Variants in DENND1A observed in about 807,000 individuals in gnomAD.
DENND1A encodes the protein DENN domain-containing protein 1A.
DENND1A carries 51 observed loss-of-function variants against 113.7 expected under a neutral mutation model. That is an observed-to-expected ratio of 0.45 (90% CI 0.36 to 0.57). DENND1A has a LOEUF of 0.57. Ranked by LOEUF, DENND1A falls within the 20% of genes least tolerant of loss-of-function variation. The probability of loss-of-function intolerance (pLI) is 0.00; values close to 1 mark genes in which losing one functional copy is unlikely to be tolerated. For missense variants in DENND1A, 1,258 were observed against 1,395.9 expected (o/e 0.90, Z 1.57); for synonymous variants, 565 against 570.8 (o/e 0.99, Z 0.14).
At chr9:123,876,030 A>G (rs938340812) in intron 2 of DENND1A, among the ~76,000 whole-genome samples, 1 of 152,230 alleles carries the variant, frequency 6.6e-6, no homozygotes, top group Non-Finnish European at 1.5e-5. Context: ...TGTTTTATGT[A>G]CTTTTTCACA....
At chr9:123,833,913 G>A (rs979980884) in intron 2 of DENND1A, among the ~76,000 whole-genome samples, 9 of 152,042 alleles carry the variant, frequency 5.9e-5, no homozygotes, top group African/African-American at 1.2e-4. Context: ...AAAATTAGCT[G>A]GGCATGGTGG....
intron 2 of DENND1A, among the ~76,000 whole-genome samples, chr9:123,815,656 TAATA>T (rs1221430615): frequency 6.6e-6 from 1 of 152,214 alleles, no homozygotes; most frequent in Non-Finnish European, 1.5e-5. Flanking sequence ...AATATTAATT[TAATA>T]TTTACTTTAT....
intron 12 of DENND1A, among the ~76,000 whole-genome samples, chr9:123,576,613 C>T (rs888420862): frequency 1.3e-5 from 2 of 152,146 alleles, no homozygotes; most frequent in African/African-American, 4.8e-5. Context: ...ATTCTGCCAC[C>T]TCAGCCTCCT....
intron 2 of DENND1A, among the ~76,000 whole-genome samples, chr9:123,867,814 AGGGCCTACTAGAGTC>A (rs985766605): frequency 2.6e-5 from 4 of 152,152 alleles, no homozygotes; most frequent in Non-Finnish European, 4.4e-5. Context: ...TGATCCAAAC[AGGGCCTACTAGAGTC>A]AGCCTTGGGA....
intron 13 of DENND1A, among the ~76,000 whole-genome samples, chr9:123,525,599 C>A (rs2054766348): frequency 6.6e-6 from 1 of 152,134 alleles, no homozygotes; most frequent in South Asian, 2.1e-4. Context: ...TGACCCTGCT[C>A]TACAGGAGCT....
At chr9:123,467,129 G>A (rs1367405742) in intron 13 of DENND1A, among the ~76,000 whole-genome samples, 1 of 152,208 alleles carries the variant, frequency 6.6e-6, no homozygotes, top group Non-Finnish European at 1.5e-5. Flanking sequence ...TGTATTTGAA[G>A]CAAGTTCTGG....
intron 12 of DENND1A, among the ~76,000 whole-genome samples, chr9:123,579,230 C>T (rs1441104494): frequency 1.3e-5 from 2 of 152,066 alleles, no homozygotes; most frequent in Admixed American, 1.3e-4. Flanking sequence ...CTCAAACAAC[C>T]TTATGTGGAA....
At chr9:123,926,152 A>C (rs1857048474) in intron 1 of DENND1A, among the ~76,000 whole-genome samples, 1 of 152,248 alleles carries the variant, frequency 6.6e-6, no homozygotes. Flanking sequence ...ATTCTTCTAG[A>C]TAAATGTCCA....
At chr9:123,393,232 C>A (rs557483284) in intron 21 of DENND1A, among the ~76,000 whole-genome samples, 1 of 152,340 alleles carries the variant, frequency 6.6e-6, no homozygotes, top group African/African-American at 2.4e-5. Flanking sequence ...TGTCCACATG[C>A]CACATTCACC....
chr9:123,511,821 G>C (rs1164032198), intron 13 of DENND1A, among the ~76,000 whole-genome samples: 2 of 152,224 alleles, frequency 1.3e-5, no homozygotes, highest in Non-Finnish European at 2.9e-5. Flanking sequence ...AGAGACAGAA[G>C]AGCTGCAGCC....
intron 1 of DENND1A, among the ~76,000 whole-genome samples, chr9:123,917,454 G>T (rs886367989): frequency 6.6e-6 from 1 of 152,158 alleles, no homozygotes; most frequent in East Asian, 1.9e-4. Context: ...TGTTGGTGTT[G>T]TTGGAAATCA....
chr9:123,466,666 C>T (rs1473244204), intron 13 of DENND1A, among the ~76,000 whole-genome samples: 1 of 152,192 alleles, frequency 6.6e-6, no homozygotes, highest in African/African-American at 2.4e-5. Flanking sequence ...GTAAAGGAAC[C>T]ATGGTTGTTT....
chr9:123,880,901 C>A (rs911100168), intron 1 of DENND1A, among the ~76,000 whole-genome samples: 7 of 152,098 alleles, frequency 4.6e-5, no homozygotes, highest in Non-Finnish European at 8.8e-5. Context: ...TAAATAAAGG[C>A]TTATATTATA....
chr9:123,523,446 G>A (rs1414911254), intron 13 of DENND1A, among the ~76,000 whole-genome samples: 1 of 152,204 alleles, frequency 6.6e-6, no homozygotes, highest in Admixed American at 6.5e-5. Context: ...ACGTTACAGA[G>A]TTAGAGATCT....
At chr9:123,732,493 T>G (rs113173131) in intron 5 of DENND1A, among the ~76,000 whole-genome samples, 3,117 of 152,196 alleles carry the variant, frequency 0.02, 52 homozygotes, top group Non-Finnish European at 0.028. Context: ...GGTAAAACTA[T>G]AGAGACGGAG....
intron 23 of DENND1A, among the ~76,000 whole-genome samples, chr9:123,382,850 G>A (rs1323017925): frequency 1.3e-5 from 2 of 152,266 alleles, no homozygotes; most frequent in Admixed American, 6.5e-5. Flanking sequence ...CAAAGCTCTC[G>A]TCCCTTTATG....
chr9:123,851,595 G>A (rs1194327549), intron 2 of DENND1A, among the ~76,000 whole-genome samples: 1 of 152,060 alleles, frequency 6.6e-6, no homozygotes, highest in Non-Finnish European at 1.5e-5. Context: ...TAAACAACAG[G>A]GCTTCTAAGA....
At chr9:123,536,567 C>G (rs533632104) in intron 13 of DENND1A, among the ~76,000 whole-genome samples, 31 of 152,110 alleles carry the variant, frequency 2.0e-4, no homozygotes, top group African/African-American at 5.5e-4. Flanking sequence ...GTTTTGGCCT[C>G]TGCAACAGCA....
intron 1 of DENND1A, among the ~76,000 whole-genome samples, chr9:123,889,668 T>C (rs1588105078): frequency 6.6e-6 from 1 of 152,132 alleles, no homozygotes; most frequent in East Asian, 1.9e-4. Flanking sequence ...ACTGAATAAA[T>C]GCAATGTATA....
Sources: allele counts gnomAD v4.1 joint callset (sites outside exome capture counted in the v4.1 genomes callset), GRCh38; gene constraint gnomAD v4.1.1; transcripts MANE v1.5; gene names NCBI Gene and HGNC (gene_info 2026-07-23, HGNC 2026-07-21).